The following PCDHGC3 variants were observed in gnomAD, a reference collection of about 807,000 sequenced individuals.
The protein encoded by PCDHGC3 is protocadherin gamma subfamily C, 3, also known as protocadherin gamma-C3.
Under a neutral mutation model 59.2 loss-of-function variants are expected in PCDHGC3, and 26 were observed. That is an observed-to-expected ratio of 0.44 (90% CI 0.32 to 0.61). The LOEUF is 0.61. Among genes scored for constraint, PCDHGC3 ranks in the 20% least tolerant of loss-of-function variants. PCDHGC3 has a pLI of 0.05. For synonymous variants in PCDHGC3, 487 were observed against 519.7 expected, an observed-to-expected ratio of 0.94 and a Z score of 0.86; for missense variants, 1,080 against 1,221.8, an observed-to-expected ratio of 0.88 and a Z score of 1.73.
At position 141,491,700 on chromosome 5, in the gene PCDHGC3, G is replaced by A. The variant is rs1199177466; in HGVS notation, c.2431-3107G>A. 3.1e-6 allele frequency: 5 copies of A among 1,611,830 alleles called. No homozygotes were observed. The highest frequency in any genetic ancestry group is 4.2e-6 in the Non-Finnish European group (5 of 1,179,142). On this transcript the variant is annotated intron_variant, in intron 1 of 3. Coordinates refer to ENST00000308177, the MANE Select transcript of PCDHGC3 (RefSeq NM_002588.4). The surrounding 1 kb of genome is among the most constrained non-coding windows in gnomAD (Gnocchi z 6.9). ...CTAATACGCTGCGGGAGCGGAGCCA[G>A]GTGAGGGGCTCGGCGCCGCCCCGGG...
intron 1 of PCDHGC3, 77 bp downstream of exon 1, chr5:141,478,623 G>GT (rs1337268572): frequency 1.3e-5 from 20 of 1,554,356 alleles, no homozygotes; most frequent in Admixed American, 3.9e-5. Flanking sequence ...GAATGGAGCT[G>GT]TTTTTTTAGT....
intron 1 of PCDHGC3, chr5:141,479,660 A>G (rs1206947602): frequency 6.6e-6 from 1 of 152,266 alleles, no homozygotes; most frequent in African/African-American, 2.4e-5. Flanking sequence ...ACAATCCCAG[A>G]AACTACAAAA....
chr5:141,510,853 CTGT>C, intron 3 of PCDHGC3, 91 bp from the exon 4 acceptor site: 3 of 1,601,238 alleles, frequency 1.9e-6, no homozygotes, highest in Middle Eastern at 1.7e-4. Context: ...GCCCAGGGTG[CTGT>C]ATAGGCATTC....
At chr5:141,484,644 A>G (rs1165542601) in intron 1 of PCDHGC3, among the ~76,000 whole-genome samples, 1 of 151,748 alleles carries the variant, frequency 6.6e-6, no homozygotes, top group African/African-American at 2.4e-5. Flanking sequence ...CCACTCTCCA[A>G]TGGCTACTCT....
rs1409012917 is a variant in PCDHGC3 at position 141,512,928 on chromosome 5, T to A, written c.*1755T>A. On this transcript the variant is annotated 3_prime_UTR_variant, in exon 4 of 4. Transcript: ENST00000308177. ...CAAGTTTTATACTCTAATATTTATA[T>A]GGCTTTTTTTCTTCGACAAAAAAAT... is the stretch of plus-strand genomic sequence containing the variant. 1.3e-5 allele frequency: 2 copies of A among 152,190 alleles called. No individual in the cohort carries two copies. Among genetic ancestry groups the A allele is most frequent in the Non-Finnish European group, 2.9e-5 (2 of 68,044 alleles). The allele number at this position is 152,190 out of a possible 1,614,324, so 9.4% of individuals were successfully genotyped here.
In PCDHGC3 at chr5:141,485,308, A is replaced by G; in HGVS notation, c.2430+6762A>G. On this transcript the variant is annotated intron_variant, in intron 1 of 3. Coordinates refer to ENST00000308177, the MANE Select transcript of PCDHGC3 (RefSeq NM_002588.4). The surrounding 1 kb of genome is among the most constrained non-coding windows in gnomAD (Gnocchi z 5.7). ...AGGAGTCACAGGAAGGGACTTTTGTAGGGAATGTCGCTCAAGATTTCCTGC... is the reference window on the plus strand; with the variant it reads ...AGGAGTCACAGGAAGGGACTTTTGTGGGGAATGTCGCTCAAGATTTCCTGC... 6.2e-7 allele frequency: 1 copy of G among 1,614,112 alleles called. No individual in the cohort carries two copies. The highest frequency in any genetic ancestry group is 8.5e-7 in the Non-Finnish European group (1 of 1,179,996).
Position 141,478,315 on chromosome 5 carries a change from A to G in PCDHGC3, c.2199A>G (p.Ser733=). The change falls in exon 1 of 4, where the codon TCA becomes TCG. Residue 733 remains serine, a synonymous_variant. Transcript: ENST00000308177. ...SRDLYRAPVS[S]LYRTPGPSLH... is the part of the protein sequence containing the mutation. The stretch of plus-strand genomic sequence containing the variant: ...ACCTATACCGAGCCCCGGTGAGCTC[A>G]CTGTACCGAACACCAGGGCCCTCCT... The G allele has an allele frequency of 6.2e-7, 1 of 1,613,998 alleles. No homozygotes were observed. Among genetic ancestry groups the G allele is most frequent in the Non-Finnish European group, 8.5e-7 (1 of 1,180,020 alleles).
At position 141,476,792 on chromosome 5, in the gene PCDHGC3, G is replaced by T. The variant is rs376910320; in HGVS notation, c.676G>T (p.Ala226Ser). ...GGACGGAGGGACCCCAGCTCTCTCC[G>T]CCAGCCTGCCTATTCACATCAAGGT... ...ALDGGTPALS[A>S]SLPIHIKVLD... Residue 226 changes from alanine (A) to serine (S), a missense_variant, in exon 1 of 4, where the codon GCC becomes TCC. Coordinates refer to ENST00000308177, the MANE Select transcript of PCDHGC3 (RefSeq NM_002588.4). The surrounding 1 kb of genome is among the most constrained non-coding windows in gnomAD (Gnocchi z 7.6). 4.3e-6 allele frequency: 7 copies of T among 1,612,720 alleles called. No individual in the cohort carries two copies. Among genetic ancestry groups the T allele is most frequent in the Non-Finnish European group, 5.1e-6 (6 of 1,179,958 alleles).
chr5:141,489,084 C>G lies in PCDHGC3; in HGVS notation c.2431-5723C>G. ...CTCCCCCCTGCCCACCCCCGCCACT[C>G]GGTGACTAAGAACTGCTGCAAGCAG... On this transcript the variant is annotated intron_variant, in intron 1 of 3. Transcript: ENST00000308177. This position sits in a 1 kb window ranked among gnomAD's most constrained non-coding sequence, Gnocchi z 4.5. 6.1e-6 allele frequency: 2 copies of G among 329,126 alleles called. No homozygotes were observed. The highest frequency in any genetic ancestry group is 2.5e-5 in the African/African-American group (1 of 40,384). 20.4% of individuals were successfully genotyped at this position (329,126 alleles called of 1,614,324 possible). A position where few individuals can be genotyped will look rare whatever the true frequency, so the allele number is the denominator to read the frequency against.
At position 141,489,662 on chromosome 5, in the gene PCDHGC3, G is replaced by A. The variant is rs2233601; in HGVS notation, c.2431-5145G>A. On this transcript the variant is annotated intron_variant, in intron 1 of 3. Coordinates refer to ENST00000308177, the MANE Select transcript of PCDHGC3 (RefSeq NM_002588.4). This position sits in a 1 kb window ranked among gnomAD's most constrained non-coding sequence, Gnocchi z 4.5. ...TTTGCCACCCCTGAGCGAGAGATGC[G>A]CATCTCAGAATCAGCAGCATCTGGG... The A allele has an allele frequency of 4.0e-4, 649 of 1,614,144 alleles. 2 individuals are homozygous for A. The highest frequency in any genetic ancestry group is 1.5e-3 in the Middle Eastern group (9 of 6,062).
At position 141,485,576 on chromosome 5, in the gene PCDHGC3, C is replaced by A; in HGVS notation, c.2430+7030C>A. 1 of 1,612,412 alleles carries A rather than the reference C, an allele frequency of 6.2e-7. No individual in the cohort carries two copies. The highest frequency in any genetic ancestry group is 8.5e-7 in the Non-Finnish European group (1 of 1,178,628). On this transcript the variant is annotated intron_variant, in intron 1 of 3. Transcript: ENST00000308177. The surrounding 1 kb of genome is among the most constrained non-coding windows in gnomAD (Gnocchi z 5.7). ...GAATGATCACGCCCCCCGTTTTCCGCGGCAGCAGCTGGACTTGGAAATTGG... is the reference window on the plus strand; with the variant it reads ...GAATGATCACGCCCCCCGTTTTCCGAGGCAGCAGCTGGACTTGGAAATTGG...
rs766387243 is a variant in PCDHGC3 at position 141,489,017 on chromosome 5, TCTC to T, written c.2431-5782_2431-5780del. The stretch of plus-strand genomic sequence containing the variant: ...GGGAGATCTGCTCTTCCAGCCCGCC[TCTC>T]CTCCTCCAGCTCCCCAGCTCCACTC... On this transcript the variant is annotated intron_variant, in intron 1 of 3. Transcript: ENST00000308177. This position sits in a 1 kb window ranked among gnomAD's most constrained non-coding sequence, Gnocchi z 4.5. 2 of 435,354 alleles carry T rather than the reference TCTC, an allele frequency of 4.6e-6. No individual in the cohort carries two copies. Among genetic ancestry groups the T allele is most frequent in the Non-Finnish European group, 8.1e-6 (2 of 247,876 alleles). The allele number at this position is 435,354 out of a possible 1,614,324, so 27.0% of individuals were successfully genotyped here. A position where few individuals can be genotyped will look rare whatever the true frequency, so the allele number is the denominator to read the frequency against.
intron 1 of PCDHGC3, chr5:141,492,079 G>A (rs1400390407): frequency 4.1e-6 from 2 of 486,168 alleles, no homozygotes; most frequent in African/African-American, 2.0e-5. Context: ...CGCCGGCTCC[G>A]GCACGCTTCG....
At chr5:141,506,680 A>G (rs949777571) in intron 3 of PCDHGC3, among the ~76,000 whole-genome samples, 1 of 152,212 alleles carries the variant, frequency 6.6e-6, no homozygotes, top group Non-Finnish European at 1.5e-5. Context: ...ATATATTATT[A>G]TCTTTGCTGA....
Position 141,490,931 on chromosome 5 carries a change from T to C in PCDHGC3, c.2431-3876T>C. 1 of 1,613,780 alleles carries C rather than the reference T, an allele frequency of 6.2e-7. No individual in the cohort carries two copies. Among genetic ancestry groups the C allele is most frequent in the East Asian group, 2.2e-5 (1 of 44,872 alleles). ...GACGAGAATGATAATGCCCCAGCTG[T>C]GCTGCACCCACGGCCAGACTGGGAA... On this transcript the variant is annotated intron_variant, in intron 1 of 3. Transcript: ENST00000308177. This position sits in a 1 kb window ranked among gnomAD's most constrained non-coding sequence, Gnocchi z 5.4.
chr5:141,504,988 C>T (rs886919738), intron 2 of PCDHGC3, among the ~76,000 whole-genome samples: 2 of 152,036 alleles, frequency 1.3e-5, no homozygotes, highest in African/African-American at 4.8e-5. Context: ...ATGGTGAAAC[C>T]CCGTCTGTAC....
At position 141,486,873 on chromosome 5, in the gene PCDHGC3, G is replaced by A. The variant is rs769661146; in HGVS notation, c.2431-7934G>A. On this transcript the variant is annotated intron_variant, in intron 1 of 3. Transcript: ENST00000308177. This position sits in a 1 kb window ranked among gnomAD's most constrained non-coding sequence, Gnocchi z 5.0. ...AATGACAATGCTCCAGCTGTGCTCCGTCCTCGGGCCCGGCCTGGTTCCTTA... is the reference window on the plus strand; with the variant it reads ...AATGACAATGCTCCAGCTGTGCTCCATCCTCGGGCCCGGCCTGGTTCCTTA... 1.6e-5 allele frequency: 26 copies of A among 1,614,082 alleles called. No individual in the cohort carries two copies. Among genetic ancestry groups the A allele is most frequent in the African/African-American group, 4.0e-5 (3 of 74,922 alleles).
At position 141,478,432 on chromosome 5, in the gene PCDHGC3, G is replaced by T. The variant is rs1238011675; in HGVS notation, c.2316G>T (p.Leu772=). ...LTTDSRRSDP[L]LKKPGAASPL... is the part of the protein sequence containing the mutation. Reference sequence around the variant, plus strand: ...CGGACTCCCGCCGCAGCGACCCGCTGCTGAAGAAACCTGGTGCAGCCAGTC... The same window carrying T: ...CGGACTCCCGCCGCAGCGACCCGCTTCTGAAGAAACCTGGTGCAGCCAGTC... The change falls in exon 1 of 4, where the codon CTG becomes CTT. Residue 772 remains leucine, a synonymous_variant. Transcript: ENST00000308177. 1 of 1,613,728 alleles carries T rather than the reference G, an allele frequency of 6.2e-7. No homozygotes were observed. Among genetic ancestry groups the T allele is most frequent in the Admixed American group, 1.7e-5 (1 of 60,020 alleles).
chr5:141,482,220 G>T (rs945741591), intron 1 of PCDHGC3, among the ~76,000 whole-genome samples: 8 of 152,148 alleles, frequency 5.3e-5, no homozygotes, highest in African/African-American at 1.9e-4. Flanking sequence ...ACTTGTTTTG[G>T]TGTGAAATTG....
Sources: gnomAD v4.1 joint callset for allele counts (sites outside exome capture counted in the v4.1 genomes callset) on GRCh38, gnomAD v4.1.1 for gene constraint, Gnocchi (gnomAD v3.1) non-coding constraint, MANE v1.5 for transcripts, NCBI Gene and HGNC (gene_info 2026-07-23, HGNC 2026-07-21) for gene names.